The following DISC1 variants were observed in gnomAD, a reference collection of about 807,000 sequenced individuals.
DISC1 encodes DISC1 scaffold protein, also known as disrupted in schizophrenia 1 protein.
In DISC1, 57 loss-of-function variants were observed where a neutral mutation model predicts 84.5. That is an observed-to-expected ratio of 0.67 (90% CI 0.55 to 0.84). DISC1 has a LOEUF of 0.84. Ranked by LOEUF, DISC1 falls within the 40% of genes least tolerant of loss-of-function variation. The pLI is 0.00. For synonymous variants in DISC1, 411 were observed against 415.2 expected, an observed-to-expected ratio of 0.99 and a Z score of 0.12; for missense variants, 1,000 against 1,057.8, an observed-to-expected ratio of 0.95 and a Z score of 0.76.
intron 9 of DISC1, among the ~76,000 whole-genome samples, chr1:231,918,570 T>C (rs2089798140): frequency 6.6e-6 from 1 of 152,224 alleles, no homozygotes; most frequent in African/African-American, 2.4e-5. Context: ...AAGTAACTGG[T>C]TATAGAACAT....
At chr1:231,871,487 G>C (rs978870907) in intron 9 of DISC1, among the ~76,000 whole-genome samples, 1 of 152,212 alleles carries the variant, frequency 6.6e-6, no homozygotes, top group African/African-American at 2.4e-5. Flanking sequence ...TTCTCTCTTT[G>C]ACTAGAATTG....
intron 12 of DISC1, among the ~76,000 whole-genome samples, chr1:232,032,364 T>C (rs969604939): frequency 3.9e-5 from 6 of 152,210 alleles, no homozygotes; most frequent in Non-Finnish European, 5.9e-5. Context: ...CAGGATCTTT[T>C]GCAAATGGTA....
At chr1:231,695,037 T>A (rs1333772869) in intron 2 of DISC1, among the ~76,000 whole-genome samples, 1 of 152,190 alleles carries the variant, frequency 6.6e-6, no homozygotes, top group Non-Finnish European at 1.5e-5. Flanking sequence ...AGATTTGCTC[T>A]CCATTGGGCC....
intron 9 of DISC1, among the ~76,000 whole-genome samples, chr1:231,819,556 A>T (rs1208704778): frequency 6.6e-6 from 1 of 152,160 alleles, no homozygotes; most frequent in Non-Finnish European, 1.5e-5. Context: ...TTAACAGCTC[A>T]GTACTTATCT....
chr1:231,630,512 A>G lies in DISC1; in HGVS notation c.67+3578A>G, dbSNP rs1467515178. On this transcript the variant is annotated intron_variant, in intron 1 of 12. Transcript: ENST00000439617. The surrounding 1 kb of genome is among the most constrained non-coding windows in gnomAD (Gnocchi z 4.4). ...AATTGAGTTTATATGCTGTGTTCTC[A>G]TGAATCCAAGCAGAGCCCACTGTTT... is the stretch of plus-strand genomic sequence containing the variant. Among the ~76,000 whole-genome samples the G allele has an allele frequency of 6.6e-6, 1 of 152,070 alleles. No homozygotes were observed.
intron 9 of DISC1, among the ~76,000 whole-genome samples, chr1:231,911,304 T>C (rs1218783730): frequency 6.6e-6 from 1 of 152,228 alleles, no homozygotes; most frequent in African/African-American, 2.4e-5. Context: ...GTTTTTGCAG[T>C]GGCTGGTACT....
At chr1:231,779,650 C>T (rs1038794714) in intron 6 of DISC1, among the ~76,000 whole-genome samples, 1 of 150,256 alleles carries the variant, frequency 6.7e-6, no homozygotes, top group African/African-American at 2.5e-5. Context: ...AGCTCCACTT[C>T]CCGGGTTCAC....
chr1:231,980,584 T>A (rs1253188612), intron 10 of DISC1, among the ~76,000 whole-genome samples: 1 of 152,240 alleles, frequency 6.6e-6, no homozygotes, highest in Admixed American at 6.5e-5. Context: ...TATGTTACTA[T>A]GTGATAATTA....
At chr1:232,027,728 T>A (rs1376002047) in intron 12 of DISC1, among the ~76,000 whole-genome samples, 1 of 152,180 alleles carries the variant, frequency 6.6e-6, no homozygotes, top group Admixed American at 6.5e-5. Flanking sequence ...ATTTAGCTAT[T>A]TTGGTCTTTG....
chr1:231,812,576 C>T (rs1379758703), intron 8 of DISC1, among the ~76,000 whole-genome samples: 2 of 152,166 alleles, frequency 1.3e-5, no homozygotes, highest in African/African-American at 2.4e-5. Context: ...AATATGTGGA[C>T]AAGTGCTTTA....
At chr1:231,831,444 A>G (rs763745127) in intron 9 of DISC1, among the ~76,000 whole-genome samples, 4 of 152,226 alleles carry the variant, frequency 2.6e-5, no homozygotes, top group African/African-American at 9.6e-5. Context: ...GTGTGGGAAG[A>G]GACTGATAGG....
Position 231,958,846 on chromosome 1 carries a change from A to G in DISC1, c.2000A>G (p.Asn667Ser), listed in dbSNP as rs1312139359. ...ETAYETSVKE[N>S]TMKYMETLKN... is the part of the protein sequence containing the mutation. ...CCCCCAGAAACAAGTGTGAAGGAAA[A>G]TACTATGAAGTACATGGAAACACTT... Residue 667 changes from asparagine (N) to serine (S), a missense_variant, in exon 10 of 13, where the codon AAT (asparagine) becomes AGT (serine). By Grantham distance (46) the Asn-to-Ser change is conservative. Around this residue, in one of 3 missense-constraint regions of DISC1, gnomAD observed 397 missense variants for 377.5 expected, o/e 1.05. Coordinates refer to ENST00000439617, the MANE Select transcript of DISC1 (RefSeq NM_018662.3). The G allele has an allele frequency of 1.2e-6, 2 of 1,613,710 alleles. No homozygotes were observed. The highest frequency in any genetic ancestry group is 8.5e-7 in the Non-Finnish European group (1 of 1,179,856).
At chr1:231,857,207 G>A (rs1440537275) in intron 9 of DISC1, among the ~76,000 whole-genome samples, 2 of 152,166 alleles carry the variant, frequency 1.3e-5, no homozygotes, top group Non-Finnish European at 1.5e-5. Context: ...CAACAGAAAG[G>A]CAAGGGCTCT....
At chr1:232,018,399 G>A (rs537987081) in intron 11 of DISC1, among the ~76,000 whole-genome samples, 3 of 152,336 alleles carry the variant, frequency 2.0e-5, no homozygotes, top group Non-Finnish European at 4.4e-5. Context: ...CCTGGTCATG[G>A]AATTTGTGAC....
At chr1:231,667,515 A>G (rs2062130748) in intron 1 of DISC1, among the ~76,000 whole-genome samples, 1 of 152,166 alleles carries the variant, frequency 6.6e-6, no homozygotes, top group African/African-American at 2.4e-5. Flanking sequence ...GTTAAAATCA[A>G]ATTGCTTTCT....
intron 4 of DISC1, among the ~76,000 whole-genome samples, chr1:231,752,115 G>A (rs1014337423): frequency 3.9e-5 from 6 of 152,162 alleles, no homozygotes; most frequent in African/African-American, 1.4e-4. Flanking sequence ...TTTTAAGTCT[G>A]GGCTGGCAAA....
At chr1:231,719,863 C>T (rs2069379397) in intron 3 of DISC1, among the ~76,000 whole-genome samples, 2 of 152,150 alleles carry the variant, frequency 1.3e-5, no homozygotes, top group African/African-American at 2.4e-5. Context: ...TTTCATATGT[C>T]ACAGTAGACA....
chr1:231,680,155 G>C (rs1430269354), intron 1 of DISC1, among the ~76,000 whole-genome samples: 1 of 152,154 alleles, frequency 6.6e-6, no homozygotes. Flanking sequence ...TTGAACACAG[G>C]GGGCGGAGGC....
At chr1:231,796,605 A>G (rs2125618761) in intron 7 of DISC1, among the ~76,000 whole-genome samples, 1 of 152,260 alleles carries the variant, frequency 6.6e-6, no homozygotes, top group African/African-American at 2.4e-5. Flanking sequence ...TGATTTTGCT[A>G]AAGGTCACAG....
Sources: gnomAD v4.1 joint callset for allele counts (sites outside exome capture counted in the v4.1 genomes callset) on GRCh38, gnomAD v4.1.1 for gene constraint, gnomAD v4.1.1 regional missense constraint, Gnocchi (gnomAD v3.1) non-coding constraint, MANE v1.5 for transcripts, NCBI Gene and HGNC (gene_info 2026-07-23, HGNC 2026-07-21) for gene names.